The following RASAL3 variants were observed in gnomAD, a reference collection of about 807,000 sequenced individuals.
The protein encoded by RASAL3 is RAS protein activator like 3, also known as RAS protein activator like-3.
A neutral mutation model predicts 105.5 loss-of-function variants in RASAL3; 74 were observed. That is an observed-to-expected ratio of 0.70 (90% confidence interval 0.58 to 0.85). The LOEUF is 0.85. RASAL3 is among the 40% of genes least tolerant of loss of function. The pLI is 0.00. For synonymous variants in RASAL3, 579 were observed against 591.6 expected, an observed-to-expected ratio of 0.98 and a Z score of 0.31; for missense variants, 1,352 against 1,392.0, an observed-to-expected ratio of 0.97 and a Z score of 0.46.
At position 15,461,226 on chromosome 19, in the gene RASAL3, C is replaced by T; in HGVS notation, c.536G>A (p.Arg179Lys). The T allele has an allele frequency of 6.2e-7, 1 of 1,613,936 alleles. No homozygotes were observed. Among genetic ancestry groups the T allele is most frequent in the South Asian group, 1.1e-5 (1 of 91,076 alleles). ...GSIHVAMGNF[R>K]DPDRMPGKTE... ...CCACCCCTCAAGCTTACCTGGATCC[C>T]TGAAGTTCCCCATGGCCACGTGGAT... The change falls in exon 4 of 18, where the codon AGG (arginine) becomes AAG (lysine). Residue 179 changes from arginine to lysine, a missense_variant. Transcript: ENST00000343625.
rs1970335365 is a variant in RASAL3, at chr19:15,456,782, G to A, written c.1432-136C>T. 1.8e-6 allele frequency: 2 copies of A among 1,103,272 alleles called. No individual in the cohort carries two copies. Among genetic ancestry groups the A allele is most frequent in the East Asian group, 5.2e-5 (2 of 38,474 alleles). 68.3% of individuals were successfully genotyped at this position (1,103,272 alleles called of 1,614,324 possible). On this transcript the variant is annotated intron_variant, in intron 9 of 17. Transcript: ENST00000343625. This position sits in a 1 kb window ranked among gnomAD's most constrained non-coding sequence, Gnocchi z 4.4. ...ATGCTTAGGCCCAGTCCTTACTGCTGGGGCTCATAACCGAGGCCGGAACCT... is the reference window on the plus strand; with the variant it reads ...ATGCTTAGGCCCAGTCCTTACTGCTAGGGCTCATAACCGAGGCCGGAACCT...
intron 15 of RASAL3, 129 bp from the exon 16 acceptor site, chr19:15,452,944 C>T: frequency 6.9e-7 from 1 of 1,451,764 alleles, no homozygotes; most frequent in Non-Finnish European, 9.3e-7. Context: ...ATCCCTCCTG[C>T]GGTACAGCTG....
intron 6 of RASAL3, among the ~76,000 whole-genome samples, chr19:15,459,121 T>C (rs1281700964): frequency 1.3e-5 from 2 of 151,074 alleles, no homozygotes; most frequent in Non-Finnish European, 3.0e-5. Context: ...ATATTTTTAG[T>C]AGAGGTGGGG....
At position 15,461,130 on chromosome 19, in the gene RASAL3, C is replaced by T. The variant is rs745609915; in HGVS notation, c.545-9G>A. On this transcript the variant is annotated splice_polypyrimidine_tract_variant and intron_variant, in intron 4 of 17. Transcript: ENST00000343625. ...TTTTCCAGGCATCCGATCTGTGGGT[C>T]GTTATGGGTGGCAGGTTGGGGGGTT... 9 of 1,613,710 alleles carry T rather than the reference C, an allele frequency of 5.6e-6. No individual in the cohort carries two copies. Among genetic ancestry groups the T allele is most frequent in the East Asian group, 2.2e-5 (1 of 44,890 alleles).
In RASAL3 at chr19:15,460,195, A is replaced by G. The variant is rs1970465151; in HGVS notation, c.662+8T>C. ...CCCCAGCCCCTCCAGCCTCTCATACACCCTTACCCATCCCGGGGCTCCAAC... is the reference window on the plus strand; with the variant it reads ...CCCCAGCCCCTCCAGCCTCTCATACGCCCTTACCCATCCCGGGGCTCCAAC... On this transcript the variant is annotated splice_region_variant and intron_variant, in intron 6 of 17. Transcript: ENST00000343625. 1 of 1,603,878 alleles carries G rather than the reference A, an allele frequency of 6.2e-7. No homozygotes were observed. The highest frequency in any genetic ancestry group is 8.5e-7 in the Non-Finnish European group (1 of 1,175,194).
At position 15,454,458 on chromosome 19, in the gene RASAL3, T is replaced by C. The variant is rs892191297; in HGVS notation, c.2063A>G (p.Asp688Gly). The C allele has an allele frequency of 3.1e-6, 5 of 1,613,980 alleles. No individual in the cohort carries two copies. The highest frequency in any genetic ancestry group is 4.2e-6 in the Non-Finnish European group (5 of 1,179,872). The change falls in exon 13 of 18, where the codon GAT becomes GGT. Residue 688 changes from aspartate to glycine, a missense_variant. Coordinates refer to ENST00000343625, the MANE Select transcript of RASAL3 (RefSeq NM_022904.3). ...FLDQVAMVDVDAAPSGYQGSG... is the reference protein window; with the variant it reads ...FLDQVAMVDVGAAPSGYQGSG... ...GCCCTGGTAACCACTGGGGGCAGCA[T>C]CCACATCCACCATGGCTACCTGGTC...
intron 11 of RASAL3, 66 bp from the exon 12 acceptor site, chr19:15,454,959 G>A: frequency 1.6e-6 from 2 of 1,248,462 alleles, no homozygotes; most frequent in Non-Finnish European, 2.2e-6. Flanking sequence ...AAAGTCATAA[G>A]GTTGGGAGTC....
rs1395968414 is a variant in RASAL3, at chr19:15,464,168, C to G, written c.191G>C (p.Arg64Pro). ...AGATAGGACCCGACGGAATATCGAG[C>G]GAGGGGCTGGCTGGGTGCTGACCAT... Reference protein sequence around the residue: ...EPMVSTQPAPRSIFRRVLSAP... With the variant: ...EPMVSTQPAPPSIFRRVLSAP... The change falls in exon 2 of 18, where the codon CGC becomes CCC. Residue 64 changes from arginine to proline, a missense_variant. This residue lies in a region of RASAL3 where 344 missense variants were observed against 339.6 expected (regional missense o/e 1.01). Transcript: ENST00000343625. The G allele has an allele frequency of 6.2e-7, 1 of 1,613,208 alleles. No homozygotes were observed.
At position 15,452,653 on chromosome 19, in the gene RASAL3, C is replaced by G; in HGVS notation, c.2828+5G>C. 6.5e-7 allele frequency: 1 copy of G among 1,539,290 alleles called. No individual in the cohort carries two copies. The highest frequency in any genetic ancestry group is 1.2e-5 in the South Asian group (1 of 82,728). On this transcript the variant is annotated splice_donor_5th_base_variant and intron_variant, in intron 16 of 17. Transcript: ENST00000343625. ...GGCGGAGCTAATGGAGAGGGCTGGGCTCACCCAGCACGGAGCCTGGAGTCC... is the reference window on the plus strand; with the variant it reads ...GGCGGAGCTAATGGAGAGGGCTGGGGTCACCCAGCACGGAGCCTGGAGTCC...
At chr19:15,455,826 C>A (rs551799333) in intron 11 of RASAL3, among the ~76,000 whole-genome samples, 2 of 152,190 alleles carry the variant, frequency 1.3e-5, no homozygotes, top group African/African-American at 4.8e-5. Context: ...TTTTAAAAAG[C>A]TTTTTGGAGA....
At position 15,453,125 on chromosome 19, in the gene RASAL3, C is replaced by A. The variant is rs369005462; in HGVS notation, c.2652G>T (p.Thr884=). 1.1e-5 allele frequency: 18 copies of A among 1,613,542 alleles called. No homozygotes were observed. Among genetic ancestry groups the A allele is most frequent in the Non-Finnish European group, 1.4e-5 (17 of 1,179,734 alleles). ...QPQDRNQALG[T]HRPVNKLAEL... The stretch of plus-strand genomic sequence containing the variant: ...ACCTTACCTTGTTCACAGGTCGGTG[C>A]GTGCCCAGTGCCTGGTTTCGGTCTT... The change falls in exon 15 of 18, where the codon ACG becomes ACT. Residue 884 remains threonine, a synonymous_variant. Transcript: ENST00000343625. This position sits in a 1 kb window ranked among gnomAD's most constrained non-coding sequence, Gnocchi z 4.2.
intron 16 of RASAL3, 81 bp downstream of exon 16, chr19:15,452,577 G>GGC: frequency 4.4e-6 from 1 of 228,066 alleles, no homozygotes; most frequent in Non-Finnish European, 5.6e-6. Context: ...GCGTGGTTTG[G>GGC]GGGGGGGGGG....
In RASAL3 at chr19:15,464,336, C is replaced by T. The variant is rs779880306; in HGVS notation, c.23G>A (p.Arg8Gln). Residue 8 changes from arginine to glutamine, a missense_variant, in exon 2 of 18, where the codon CGG becomes CAG. Transcript: ENST00000343625. Reference sequence around the variant, plus strand: ...GGCTGTGGGCTGGGTTTGGGAGGTCCGGCTTGGCGACGGTGGGTCCATGGT... The same window carrying T: ...GGCTGTGGGCTGGGTTTGGGAGGTCTGGCTTGGCGACGGTGGGTCCATGGT... MDPPSPS[R>Q]TSQTQPTATS... 9 of 1,137,096 alleles carry T rather than the reference C, an allele frequency of 7.9e-6. No individual in the cohort carries two copies. In the East Asian group the frequency reaches 4.5e-4, roughly 57 times the overall value. The allele number at this position is 1,137,096 out of a possible 1,614,324, so 70.4% of individuals were successfully genotyped here. A position where few individuals can be genotyped will look rare whatever the true frequency, so the allele number is the denominator to read the frequency against.
At chr19:15,452,374 G>C in intron 16 of RASAL3, 1 of 594,568 alleles carries the variant, frequency 1.7e-6, no homozygotes, top group Non-Finnish European at 3.0e-6. Flanking sequence ...GAGTGCCCAG[G>C]CTGAGATATC....
Position 15,460,210 on chromosome 19 carries a change from G to A in RASAL3, c.655C>T (p.Arg219Trp), listed in dbSNP as rs200139548. ...CCTCTCATACACCCTTACCCATCCCGGGGCTCCAACCTGGCCTTTTTCTTC... is the reference window on the plus strand; with the variant it reads ...CCTCTCATACACCCTTACCCATCCCAGGGCTCCAACCTGGCCTTTTTCTTC... ...KEKKKARLEPRDGPPSALGSR... is the reference protein window; with the variant it reads ...KEKKKARLEPWDGPPSALGSR... Residue 219 changes from arginine (R) to tryptophan (W), a missense_variant, in exon 6 of 18, where the codon CGG becomes TGG. Arg to Trp is a moderately radical substitution (Grantham distance 101). Transcript: ENST00000343625. 300 of 1,607,372 alleles carry A rather than the reference G, an allele frequency of 1.9e-4. 1 individual carries two copies. The highest frequency in any genetic ancestry group is 4.9e-4 in the Middle Eastern group (3 of 6,070).
In RASAL3 at chr19:15,456,053, G is replaced by A; in HGVS notation, c.1721+51C>T. 6.3e-7 allele frequency: 1 copy of A among 1,593,012 alleles called. No homozygotes were observed. The highest frequency in any genetic ancestry group is 8.6e-7 in the Non-Finnish European group (1 of 1,165,830). ...TGGCCACCCTAAACTGGAGGTCGGG[G>A]CTAGCATGGTAAGCAGGGGTGGGCT... On this transcript the variant is annotated intron_variant, in intron 11 of 17. Coordinates refer to ENST00000343625, the MANE Select transcript of RASAL3 (RefSeq NM_022904.3). The surrounding 1 kb of genome is among the most constrained non-coding windows in gnomAD (Gnocchi z 4.4).
At chr19:15,458,157 C>A in intron 8 of RASAL3, 171 bp downstream of exon 8, 1 of 675,952 alleles carries the variant, frequency 1.5e-6, no homozygotes, top group Non-Finnish European at 2.5e-6. Context: ...TCTGATATTC[C>A]CGGGGCTGGT....
chr19:15,461,624 G>A lies in RASAL3; in HGVS notation c.329-17C>T. On this transcript the variant is annotated splice_polypyrimidine_tract_variant and intron_variant, in intron 2 of 17. Transcript: ENST00000343625. ...GCTCCAGCTCTGGGAAGAAGAGGAG[G>A]CACTGGGGGACTTAAGAGACGTTTT... 1 of 1,508,666 alleles carries A rather than the reference G, an allele frequency of 6.6e-7. No individual in the cohort carries two copies. The highest frequency in any genetic ancestry group is 8.8e-7 in the Non-Finnish European group (1 of 1,132,326). The allele number at this position is 1,508,666 out of a possible 1,614,324, so 93.5% of individuals were successfully genotyped here.
rs781158621 is a variant in RASAL3 at position 15,458,662 on chromosome 19, A to AG, written c.663-8dup. The AG allele has an allele frequency of 1.9e-5, 30 of 1,612,040 alleles. No homozygotes were observed. In the South Asian group the frequency reaches 3.2e-4, roughly 17 times the overall value. ...GCCCAGAGCACTGGGGGGTCTGGGA[A>AG]GGGGGTGGGTGAGCACACCGTCATT... On this transcript the variant is annotated splice_region_variant and splice_polypyrimidine_tract_variant and intron_variant, in intron 6 of 17. Transcript: ENST00000343625.
Sources: gnomAD v4.1 joint callset for allele counts (sites outside exome capture counted in the v4.1 genomes callset) on GRCh38, gnomAD v4.1.1 for gene constraint, gnomAD v4.1.1 regional missense constraint, Gnocchi (gnomAD v3.1) non-coding constraint, MANE v1.5 for transcripts, NCBI Gene and HGNC (gene_info 2026-07-23, HGNC 2026-07-21) for gene names.